SLIT3: variants seen among roughly 807,000 people sequenced by gnomAD.
The protein encoded by SLIT3 is slit guidance ligand 3.
In SLIT3, 68 loss-of-function variants were observed where a neutral mutation model predicts 184.0. The ratio of observed to expected loss-of-function variants is 0.37; its 90% CI spans 0.30 to 0.45. The LOEUF (loss-of-function observed/expected upper bound fraction) is 0.45. SLIT3 is among the 20% of genes least tolerant of loss of function. The probability of loss-of-function intolerance (pLI) is 1.00; values close to 1 mark genes in which losing one functional copy is unlikely to be tolerated. For synonymous variants in SLIT3, 831 were observed against 828.6 expected (o/e 1.00, Z -0.05); for missense variants, 1,707 against 2,026.0 (o/e 0.84, Z 3.02).
chr5:169,231,915 A>C (rs1030940942), intron 3 of SLIT3, among the ~76,000 whole-genome samples: 1 of 152,308 alleles, frequency 6.6e-6, no homozygotes, highest in Non-Finnish European at 1.5e-5. Context: ...GACTAATGAC[A>C]CACTAAGCAA....
chr5:169,276,834 T>A (rs1766822735), intron 1 of SLIT3, among the ~76,000 whole-genome samples: 1 of 152,178 alleles, frequency 6.6e-6, no homozygotes, highest in Admixed American at 6.5e-5. Flanking sequence ...AGAAAAGAAT[T>A]TCTATAATTT....
rs1458109778 is a variant in SLIT3 at position 169,267,175 on chromosome 5, A to G, written c.198-15716T>C. Among the ~76,000 whole-genome samples, 7 of 152,196 alleles carry G rather than the reference A, an allele frequency of 4.6e-5. No homozygotes were observed. In the East Asian group the frequency reaches 1.4e-3, roughly 30 times the overall value. ...ATTGAACAAATAGAGGCACAGGGAG[A>G]TTAAGACACCTGTCTATGGTCACAA... is the stretch of plus-strand genomic sequence containing the variant. On this transcript the variant is annotated intron_variant, in intron 1 of 35. Coordinates refer to ENST00000519560, the MANE Select transcript of SLIT3 (RefSeq NM_003062.4).
intron 4 of SLIT3, among the ~76,000 whole-genome samples, chr5:169,010,767 G>A (rs753505441): frequency 6.6e-6 from 1 of 152,020 alleles, no homozygotes; most frequent in Non-Finnish European, 1.5e-5. Flanking sequence ...GCCAGGCGTG[G>A]CGGCATATGC....
intron 4 of SLIT3, among the ~76,000 whole-genome samples, chr5:168,886,579 A>G (rs923227599): frequency 3.9e-5 from 6 of 152,206 alleles, no homozygotes; most frequent in African/African-American, 1.4e-4. Flanking sequence ...GAAGCAGCTC[A>G]GGGCTGAGGA....
In SLIT3 at chr5:169,000,767, C is replaced by A. The variant is rs781161700; in HGVS notation, c.414-117431G>T. ...GGCTGACAGTTATTAGAGCTCTGAG[C>A]ATACAGTAAGCATCTGATAAATACT... is the stretch of plus-strand genomic sequence containing the variant. On this transcript the variant is annotated intron_variant, in intron 4 of 35. Coordinates refer to ENST00000519560, the MANE Select transcript of SLIT3 (RefSeq NM_003062.4). 5.1e-4 allele frequency among the ~76,000 whole-genome samples: 77 copies of A among 152,164 alleles called. 1 individual carries two copies. Among genetic ancestry groups the A allele is most frequent in the Non-Finnish European group, 1.0e-3 (68 of 68,044 alleles).
At chr5:168,922,810 G>A (rs1473905553) in intron 4 of SLIT3, among the ~76,000 whole-genome samples, 1 of 152,080 alleles carries the variant, frequency 6.6e-6, no homozygotes, top group South Asian at 2.1e-4. Flanking sequence ...GACAAAGAGG[G>A]CTCAGCTAGG....
intron 3 of SLIT3, among the ~76,000 whole-genome samples, chr5:169,205,358 T>C (rs1024210679): frequency 6.6e-6 from 1 of 152,188 alleles, no homozygotes; most frequent in African/African-American, 2.4e-5. Context: ...ATTCTCCTTA[T>C]TCTGAGAGCT....
rs536433980 is a variant in SLIT3 at position 169,054,015 on chromosome 5, C to G, written c.413+139464G>C. 6.6e-3 allele frequency among the ~76,000 whole-genome samples: 996 copies of G among 151,966 alleles called. 15 individuals are homozygous for G. Among genetic ancestry groups the G allele is most frequent in the African/African-American group, 0.023 (935 of 41,426 alleles). On this transcript the variant is annotated intron_variant, in intron 4 of 35. Coordinates refer to ENST00000519560, the MANE Select transcript of SLIT3 (RefSeq NM_003062.4). ...CTGAGGCAGGAGAATCTCTTGAACC[C>G]GGGAGGCAGAGGTTGCAGTGAGCCA... is the stretch of plus-strand genomic sequence containing the variant.
At chr5:168,681,804 G>A (rs10072670) in intron 32 of SLIT3, among the ~76,000 whole-genome samples, 4,152 of 152,330 alleles carry the variant, frequency 0.027, 193 homozygotes, top group African/African-American at 0.095. Flanking sequence ...GCAGGGCTCA[G>A]CTGCTTCTGG....
At chr5:169,211,863 A>T (rs1764277360) in intron 3 of SLIT3, among the ~76,000 whole-genome samples, 1 of 151,952 alleles carries the variant, frequency 6.6e-6, no homozygotes, top group Non-Finnish European at 1.5e-5. Context: ...TTCAACTCCC[A>T]TTTATGAGTG....
chr5:168,690,137 TC>T (rs1205722810), intron 29 of SLIT3, among the ~76,000 whole-genome samples: 2 of 150,676 alleles, frequency 1.3e-5, no homozygotes, highest in Admixed American at 6.6e-5. Flanking sequence ...TTGTTTTCTT[TC>T]TTTTTTTTTT....
At chr5:168,804,506 C>A (rs1246310192) in intron 9 of SLIT3, among the ~76,000 whole-genome samples, 1 of 152,000 alleles carries the variant, frequency 6.6e-6, no homozygotes, top group Non-Finnish European at 1.5e-5. Context: ...GGAGCGCTCT[C>A]TAAAGCTAGA....
intron 4 of SLIT3, among the ~76,000 whole-genome samples, chr5:169,141,564 C>G (rs977008622): frequency 2.6e-5 from 4 of 151,296 alleles, no homozygotes; most frequent in African/African-American, 7.3e-5. Flanking sequence ...ACGGTGAAAC[C>G]CTGTGTCTAC....
intron 14 of SLIT3, among the ~76,000 whole-genome samples, chr5:168,771,508 G>C (rs143989698): frequency 6.6e-6 from 1 of 152,212 alleles, no homozygotes; most frequent in East Asian, 1.9e-4. Flanking sequence ...TAGAGCAAAG[G>C]GCTCTCCTAC....
At chr5:168,775,038 A>AT (rs34335250) in intron 12 of SLIT3, among the ~76,000 whole-genome samples, 6,227 of 135,536 alleles carry the variant, frequency 0.046, 224 homozygotes, top group African/African-American at 0.074. Context: ...CCACCACTGC[A>AT]TTTTTTTTTT....
chr5:169,277,406 T>C (rs538657267), intron 1 of SLIT3, among the ~76,000 whole-genome samples: 1 of 152,172 alleles, frequency 6.6e-6, no homozygotes, highest in African/African-American at 2.4e-5. Flanking sequence ...AAGTTTTGTA[T>C]TTTTTTACAG....
chr5:169,156,199 C>A (rs1762299352), intron 4 of SLIT3, among the ~76,000 whole-genome samples: 2 of 152,180 alleles, frequency 1.3e-5, no homozygotes, highest in African/African-American at 2.4e-5. Context: ...AGAAAACGAA[C>A]AACTTTCTTC....
intron 27 of SLIT3, among the ~76,000 whole-genome samples, chr5:168,696,705 A>G (rs1214081698): frequency 6.6e-6 from 1 of 152,142 alleles, no homozygotes; most frequent in Non-Finnish European, 1.5e-5. Flanking sequence ...ATGTCCACCA[A>G]CAAGGCCGGT....
intron 1 of SLIT3, among the ~76,000 whole-genome samples, chr5:169,271,695 A>C (rs1766622250): frequency 6.6e-6 from 1 of 152,214 alleles, no homozygotes; most frequent in South Asian, 2.1e-4. Context: ...ATCACACCAG[A>C]AGCAAGAAAG....
Sources: allele counts gnomAD v4.1 joint callset (sites outside exome capture counted in the v4.1 genomes callset), GRCh38; gene constraint gnomAD v4.1.1; transcripts MANE v1.5; gene names NCBI Gene and HGNC (gene_info 2026-07-23, HGNC 2026-07-21).